The following KCNT1 variants were observed in gnomAD, a reference collection of about 807,000 sequenced individuals.
KCNT1 encodes the protein potassium channel subfamily T member 1.
A neutral mutation model predicts 147.8 loss-of-function variants in KCNT1; 78 were observed. That is an observed-to-expected ratio of 0.53 (90% CI 0.44 to 0.64). KCNT1 has a LOEUF of 0.64. KCNT1 is among the 30% of genes least tolerant of loss of function. The pLI is 0.00. For missense variants in KCNT1, 1,419 were observed against 1,750.3 expected (o/e 0.81, Z 3.38); for synonymous variants, 867 against 748.8 (o/e 1.16, Z -2.58).
At chr9:135,775,877 C>T (rs1833133723) in intron 20 of KCNT1, among the ~76,000 whole-genome samples, 1 of 152,178 alleles carries the variant, frequency 6.6e-6, no homozygotes, top group Non-Finnish European at 1.5e-5. Context: ...GGAGCCTGTC[C>T]CGGCTGCGTC....
chr9:135,745,784 C>T (rs1028676770), intron 2 of KCNT1, among the ~76,000 whole-genome samples: 2 of 152,226 alleles, frequency 1.3e-5, no homozygotes, highest in Admixed American at 6.5e-5. Context: ...CGGCAGGGCC[C>T]GTGTAGCCTC....
chr9:135,743,118 G>GTACA (rs1474335315), intron 2 of KCNT1, among the ~76,000 whole-genome samples: 1 of 152,090 alleles, frequency 6.6e-6, no homozygotes, highest in African/African-American at 2.4e-5. Context: ...TGCCTCCCAG[G>GTACA]GACAGGCAGG....
intron 1 of KCNT1, among the ~76,000 whole-genome samples, chr9:135,711,038 C>G (rs879935196): frequency 3.9e-5 from 6 of 152,186 alleles, no homozygotes; most frequent in Non-Finnish European, 7.4e-5. Context: ...TACTAGGTTC[C>G]GTATTTGCTC....
chr9:135,772,284 C>T (rs749256162), intron 18 of KCNT1, among the ~76,000 whole-genome samples: 91 of 152,318 alleles, frequency 6.0e-4, no homozygotes, highest in Middle Eastern at 3.4e-3. Context: ...ATCTGGCAGC[C>T]TGGGGTGGTG....
At chr9:135,716,064 C>T (rs138706338) in intron 2 of KCNT1, among the ~76,000 whole-genome samples, 50 of 152,334 alleles carry the variant, frequency 3.3e-4, no homozygotes, top group Admixed American at 8.5e-4. Flanking sequence ...GGTCCCAGGG[C>T]GGCGTGCGTG....
chr9:135,703,730 G>A (rs1396796147), intron 1 of KCNT1, among the ~76,000 whole-genome samples: 2 of 152,224 alleles, frequency 1.3e-5, no homozygotes, highest in Non-Finnish European at 2.9e-5. Flanking sequence ...CCATTCTGCT[G>A]GAGTTTATCA....
rs73667699 is a variant in KCNT1 at position 135,744,989 on chromosome 9, T to C, written c.255-5109T>C. Among the ~76,000 whole-genome samples, 382 of 151,996 alleles carry C rather than the reference T, an allele frequency of 2.5e-3. 1 individual carries two copies. Among genetic ancestry groups the C allele is most frequent in the African/African-American group, 8.1e-3 (336 of 41,458 alleles). On this transcript the variant is annotated intron_variant, in intron 2 of 30. Transcript: ENST00000371757. ...GACGGGCCCGGCCCCCTGTGGCGAG[T>C]GTGTGGCTGCGCCCTGAGCCCGCCT...
chr9:135,791,085 T>A (rs1488905254), intron 29 of KCNT1: 1 of 152,452 alleles, frequency 6.6e-6, no homozygotes, highest in African/African-American at 2.4e-5. Context: ...AGGGATGAGC[T>A]GCGGGGTGGG....
intron 1 of KCNT1, among the ~76,000 whole-genome samples, chr9:135,711,782 C>T (rs116003914): frequency 0.033 from 5,046 of 152,304 alleles, 269 homozygotes; most frequent in African/African-American, 0.11. Context: ...GGAGGGGGCA[C>T]GCTGGGCGCC....
In KCNT1 at chr9:135,714,272, G is replaced by A. The variant is rs1473758585; in HGVS notation, c.111-305G>A. Among the ~76,000 whole-genome samples, 2 of 151,742 alleles carry A rather than the reference G, an allele frequency of 1.3e-5. No homozygotes were observed. The highest frequency in any genetic ancestry group is 4.1e-4 in the South Asian group (2 of 4,826). ...GATCAGGGAGGAGTGGTGCGCGCCT[G>A]TCCCTGAGCTGGCCATGACAGCTCC... On this transcript the variant is annotated intron_variant, in intron 1 of 30. Transcript: ENST00000371757. This position sits in a 1 kb window ranked among gnomAD's most constrained non-coding sequence, Gnocchi z 6.2.
At chr9:135,775,525 C>T in intron 20 of KCNT1, 110 bp downstream of exon 20, 1 of 741,022 alleles carries the variant, frequency 1.3e-6, no homozygotes, top group Non-Finnish European at 2.1e-6. Flanking sequence ...CCATTGCAAA[C>T]TTCTAGCACA....
intron 24 of KCNT1, among the ~76,000 whole-genome samples, chr9:135,783,718 C>T (rs1240779905): frequency 5.3e-5 from 8 of 152,240 alleles, no homozygotes; most frequent in Non-Finnish European, 1.2e-4. Flanking sequence ...AAGAGCAGGG[C>T]GCTTGACCAA....
intron 24 of KCNT1, among the ~76,000 whole-genome samples, chr9:135,781,457 C>T (rs797014034): frequency 2.2e-4 from 34 of 152,328 alleles, no homozygotes; most frequent in African/African-American, 8.2e-4. Context: ...GCGTCTTCTC[C>T]AGCCTGGGTG....
At position 135,792,279 on chromosome 9, in the gene KCNT1, A is replaced by C; in HGVS notation, c.*118A>C. ...CTGGGGATGGCACACTCTACTCACC[A>C]TGGCTCCTGGGACTCCACCCTGGAA... On this transcript the variant is annotated 3_prime_UTR_variant, in exon 31 of 31. Transcript: ENST00000371757. 1 of 1,306,234 alleles carries C rather than the reference A, an allele frequency of 7.7e-7. No individual in the cohort carries two copies. The highest frequency in any genetic ancestry group is 1.0e-6 in the Non-Finnish European group (1 of 975,070). 80.9% of individuals were successfully genotyped at this position (1,306,234 alleles called of 1,614,324 possible).
intron 10 of KCNT1, 123 bp from the exon 11 acceptor site, chr9:135,759,556 G>T: frequency 9.6e-7 from 1 of 1,036,950 alleles, no homozygotes; most frequent in East Asian, 3.1e-5. Flanking sequence ...GGCGGGGCTC[G>T]CCTGGTGATG....
Position 135,768,725 on chromosome 9 carries a change from G to C in KCNT1, c.1401+52G>C, listed in dbSNP as rs988742525. On this transcript the variant is annotated intron_variant, in intron 14 of 30. Coordinates refer to ENST00000371757, the MANE Select transcript of KCNT1 (RefSeq NM_020822.3). ...GCGGGAGGGGCACCGTGGGGCCGGGGAGCGGGGGTCCCTGAGGGAAGAGAC... is the reference window on the plus strand; with the variant it reads ...GCGGGAGGGGCACCGTGGGGCCGGGCAGCGGGGGTCCCTGAGGGAAGAGAC... 2.6e-6 allele frequency: 4 copies of C among 1,535,932 alleles called. No individual in the cohort carries two copies. In the East Asian group the frequency reaches 7.3e-5, roughly 28 times the overall value.
intron 13 of KCNT1, 145 bp downstream of exon 13, chr9:135,765,905 G>A (rs927901870): frequency 1.2e-6 from 1 of 813,810 alleles, no homozygotes; most frequent in Non-Finnish European, 1.9e-6. Context: ...GGACCATCTA[G>A]GTGGACTGTC....
intron 11 of KCNT1, among the ~76,000 whole-genome samples, chr9:135,761,545 G>A (rs1393943030): frequency 1.3e-5 from 2 of 152,220 alleles, no homozygotes; most frequent in African/African-American, 4.8e-5. Context: ...CTTCTGCAAA[G>A]ACCCTTTTGC....
chr9:135,770,218 G>A (rs1457379361), intron 16 of KCNT1, 80 bp from the exon 17 acceptor site: 18 of 1,502,732 alleles, frequency 1.2e-5, no homozygotes, highest in Non-Finnish European at 1.6e-5. Flanking sequence ...AAGCAGAGGG[G>A]GGCACCTGCA....
Sources: gnomAD v4.1 joint callset for allele counts (sites outside exome capture counted in the v4.1 genomes callset) on GRCh38, gnomAD v4.1.1 for gene constraint, Gnocchi (gnomAD v3.1) non-coding constraint, MANE v1.5 for transcripts, NCBI Gene and HGNC (gene_info 2026-07-23, HGNC 2026-07-21) for gene names.